CWC27: variants seen among roughly 807,000 people sequenced by gnomAD.
The protein encoded by CWC27 is spliceosome-associated protein CWC27 homolog.
Under a neutral mutation model 63.6 loss-of-function variants are expected in CWC27, and 47 were observed. The ratio of observed to expected loss-of-function variants is 0.74; its 90% CI spans 0.58 to 0.94. CWC27 has a LOEUF of 0.94. Ranked by LOEUF, CWC27 falls within the 40% of genes least tolerant of loss-of-function variation. CWC27 has a pLI of 0.00. For missense variants in CWC27, 495 were observed against 554.3 expected (o/e 0.89, Z 1.07); for synonymous variants, 175 against 179.8 (o/e 0.97, Z 0.22).
intron 10 of CWC27, among the ~76,000 whole-genome samples, chr5:64,820,079 T>C (rs1380539724): frequency 6.6e-6 from 1 of 152,248 alleles, no homozygotes; most frequent in African/African-American, 2.4e-5. Flanking sequence ...TTAACTAATA[T>C]TTTAAGAGTG....
At chr5:64,914,013 C>T (rs1268384547) in intron 11 of CWC27, among the ~76,000 whole-genome samples, 4 of 152,028 alleles carry the variant, frequency 2.6e-5, no homozygotes, top group Non-Finnish European at 5.9e-5. Context: ...GAATAGAGAG[C>T]CTGAAACAGA....
chr5:64,809,267 C>T, intron 10 of CWC27, among the ~76,000 whole-genome samples: 1 of 152,254 alleles, frequency 6.6e-6, no homozygotes, highest in East Asian at 1.9e-4. Flanking sequence ...TTATCCACTT[C>T]AGCAACTTAC....
intron 11 of CWC27, among the ~76,000 whole-genome samples, chr5:64,950,480 A>G (rs998353475): frequency 2.0e-5 from 3 of 151,998 alleles, no homozygotes; most frequent in Non-Finnish European, 4.4e-5. Context: ...AATAAAAACC[A>G]AAATAACTAT....
At chr5:64,891,480 A>T (rs1747235324) in intron 11 of CWC27, among the ~76,000 whole-genome samples, 1 of 152,214 alleles carries the variant, frequency 6.6e-6, no homozygotes. Context: ...TGTAGCAAAT[A>T]TGAAGATGTA....
At chr5:64,904,517 T>C (rs1177386783) in intron 11 of CWC27, among the ~76,000 whole-genome samples, 1 of 152,256 alleles carries the variant, frequency 6.6e-6, no homozygotes, top group African/African-American at 2.4e-5. Context: ...GCTGCTTTCA[T>C]ATCCTTATGA....
chr5:64,966,921 A>C (rs1427219907), intron 11 of CWC27, among the ~76,000 whole-genome samples: 1 of 152,058 alleles, frequency 6.6e-6, no homozygotes, highest in Non-Finnish European at 1.5e-5. Flanking sequence ...TGTCCAACTA[A>C]CCTTTCTGGA....
At position 64,990,252 on chromosome 5, in the gene CWC27, T is replaced by G. The variant is rs1228550275; in HGVS notation, c.1256+13014T>G. 8.4e-5 allele frequency among the ~76,000 whole-genome samples: 7 copies of G among 83,674 alleles called. 1 individual carries two copies. The highest frequency in any genetic ancestry group is 8.1e-4 in the Admixed American group (6 of 7,396). The allele number at this position is 83,674 out of a possible 152,430, so 54.9% of individuals were successfully genotyped here. On this transcript the variant is annotated intron_variant, in intron 13 of 13. Transcript: ENST00000381070. Reference sequence around the variant, plus strand: ...AGAGTTTTTATTTGTTTTTTTTTTGTTTTTTTTTTTTTTGTTTTTTTTTTT... The same window carrying G: ...AGAGTTTTTATTTGTTTTTTTTTTGGTTTTTTTTTTTTTGTTTTTTTTTTT...
intron 13 of CWC27, among the ~76,000 whole-genome samples, chr5:65,009,241 C>G (rs1749902988): frequency 1.3e-5 from 2 of 152,072 alleles, no homozygotes; most frequent in Non-Finnish European, 2.9e-5. Flanking sequence ...AGTGAGAGCT[C>G]ATTCATTACC....
intron 10 of CWC27, among the ~76,000 whole-genome samples, chr5:64,874,329 T>C (rs1300896730): frequency 6.6e-6 from 1 of 150,996 alleles, no homozygotes; most frequent in Non-Finnish European, 1.5e-5. Flanking sequence ...GCCTGGCTAA[T>C]TTTTGTATTT....
chr5:65,010,826 A>C (rs1461261208), intron 13 of CWC27, among the ~76,000 whole-genome samples: 1 of 152,206 alleles, frequency 6.6e-6, no homozygotes, highest in East Asian at 1.9e-4. Flanking sequence ...GTAACTTATT[A>C]CCCTTTTCTC....
At chr5:64,775,752 G>A (rs913356985) in intron 2 of CWC27, among the ~76,000 whole-genome samples, 1 of 152,012 alleles carries the variant, frequency 6.6e-6, no homozygotes, top group Non-Finnish European at 1.5e-5. Flanking sequence ...TCCCTGCAGA[G>A]TATTCTCTTA....
intron 11 of CWC27, among the ~76,000 whole-genome samples, chr5:64,898,645 G>C (rs887682827): frequency 7.9e-5 from 12 of 151,990 alleles, no homozygotes; most frequent in Non-Finnish European, 1.6e-4. Context: ...AAAAGAAGTT[G>C]CTGTTAAAAA....
At chr5:64,878,786 C>T (rs547673373) in intron 10 of CWC27, among the ~76,000 whole-genome samples, 1 of 151,648 alleles carries the variant, frequency 6.6e-6, no homozygotes, top group African/African-American at 2.4e-5. Flanking sequence ...GTAATTATGA[C>T]TAGTATGTTT....
intron 11 of CWC27, among the ~76,000 whole-genome samples, chr5:64,901,916 G>C (rs1747519272): frequency 6.6e-6 from 1 of 152,000 alleles, no homozygotes; most frequent in Admixed American, 6.5e-5. Flanking sequence ...AGCCAACACA[G>C]GGTCAAGATC....
chr5:64,962,371 G>A (rs937260124), intron 11 of CWC27, among the ~76,000 whole-genome samples: 2 of 152,182 alleles, frequency 1.3e-5, no homozygotes, highest in African/African-American at 4.8e-5. Context: ...GGCATAACCA[G>A]ACATTGAGTA....
At chr5:64,773,955 C>CT (rs1430814150) in intron 1 of CWC27, 1 of 152,012 alleles carries the variant, frequency 6.6e-6, no homozygotes, top group Non-Finnish European at 1.5e-5. Context: ...AAGAATGTTC[C>CT]TTTGTAAATT....
intron 11 of CWC27, among the ~76,000 whole-genome samples, chr5:64,896,192 C>T (rs1009392885): frequency 6.6e-6 from 1 of 152,156 alleles, no homozygotes; most frequent in African/African-American, 2.4e-5. Context: ...CAGGTGAGGA[C>T]ATAAGGCAGA....
At chr5:64,905,435 C>T (rs1747611952) in intron 11 of CWC27, among the ~76,000 whole-genome samples, 1 of 152,014 alleles carries the variant, frequency 6.6e-6, no homozygotes, top group African/African-American at 2.4e-5. Context: ...TCCAAAATGG[C>T]ACAGAGATGA....
intron 10 of CWC27, among the ~76,000 whole-genome samples, chr5:64,879,749 G>A (rs1481652295): frequency 6.6e-6 from 1 of 151,344 alleles, no homozygotes; most frequent in East Asian, 1.9e-4. Context: ...GGTGGATAGT[G>A]GGTTAAATGA....
Sources: allele counts gnomAD v4.1 joint callset (sites outside exome capture counted in the v4.1 genomes callset), GRCh38; gene constraint gnomAD v4.1.1; transcripts MANE v1.5; gene names NCBI Gene and HGNC (gene_info 2026-07-23, HGNC 2026-07-21).